The following GPC5 variants were observed in gnomAD, a reference collection of about 807,000 sequenced individuals.
GPC5 encodes the protein glypican 5, also known as glypican-5.
A neutral mutation model predicts 53.9 loss-of-function variants in GPC5; 47 were observed. The observed-to-expected ratio is 0.87, with a 90% CI of 0.69 to 1.11. The LOEUF is 1.11. GPC5 is among the 50% of genes most tolerant of loss of function. The probability of loss-of-function intolerance (pLI) is 0.00; values close to 1 mark genes in which losing one functional copy is unlikely to be tolerated. For synonymous variants in GPC5, 286 were observed against 263.3 expected (o/e 1.09, Z -0.84); for missense variants, 748 against 713.1 (o/e 1.05, Z -0.56).
In GPC5 at chr13:91,441,716, A is replaced by G. The variant is rs1159730283; in HGVS notation, c.164-7045A>G. ...ATAGATGAAAGATTACTTGTGTCTCAGTCAAAACCCTTCTGCCATTATAAC... is the reference window on the plus strand; with the variant it reads ...ATAGATGAAAGATTACTTGTGTCTCGGTCAAAACCCTTCTGCCATTATAAC... On this transcript the variant is annotated intron_variant, in intron 1 of 7. Coordinates refer to ENST00000377067, the MANE Select transcript of GPC5 (RefSeq NM_004466.6). Among the ~76,000 whole-genome samples, 3 of 152,318 alleles carry G rather than the reference A, an allele frequency of 2.0e-5. No homozygotes were observed. In the East Asian group the frequency reaches 5.8e-4, roughly 29 times the overall value.
intron 5 of GPC5, among the ~76,000 whole-genome samples, chr13:91,865,376 A>T (rs1461110964): frequency 6.6e-6 from 1 of 152,090 alleles, no homozygotes; most frequent in Non-Finnish European, 1.5e-5. Context: ...TGAATTAAAA[A>T]TAATAATAAT....
chr13:92,050,378 T>A (rs1262936158), intron 6 of GPC5, among the ~76,000 whole-genome samples: 1 of 152,180 alleles, frequency 6.6e-6, no homozygotes, highest in African/African-American at 2.4e-5. Flanking sequence ...AGACCTTACC[T>A]ATCAAAGGGT....
At chr13:91,507,283 A>T (rs1179173175) in intron 2 of GPC5, among the ~76,000 whole-genome samples, 1 of 152,120 alleles carries the variant, frequency 6.6e-6, no homozygotes, top group Admixed American at 6.6e-5. Flanking sequence ...GGTCTCTTTT[A>T]TAAGAATCCC....
At chr13:92,402,500 T>C (rs1875602514) in intron 7 of GPC5, among the ~76,000 whole-genome samples, 1 of 152,192 alleles carries the variant, frequency 6.6e-6, no homozygotes, top group Admixed American at 6.5e-5. Flanking sequence ...CTTTATGATA[T>C]TGATCCCTTT....
chr13:92,568,494 T>C (rs1195732022), intron 7 of GPC5, among the ~76,000 whole-genome samples: 3 of 152,212 alleles, frequency 2.0e-5, no homozygotes, highest in African/African-American at 2.4e-5. Context: ...GTTTAAAATA[T>C]ATTTGTGCCA....
chr13:92,600,575 G>A (rs190890282), intron 7 of GPC5, among the ~76,000 whole-genome samples: 125 of 151,664 alleles, frequency 8.2e-4, no homozygotes, highest in African/African-American at 3.0e-3. Flanking sequence ...TCAGCTCACT[G>A]CAACCACCGT....
intron 7 of GPC5, among the ~76,000 whole-genome samples, chr13:92,636,544 G>A (rs192411855): frequency 6.6e-6 from 1 of 152,142 alleles, no homozygotes; most frequent in African/African-American, 2.4e-5. Context: ...AATTACTTTG[G>A]CTGAGAGTCA....
chr13:92,768,919 G>A (rs1461637404), intron 7 of GPC5, among the ~76,000 whole-genome samples: 2 of 152,008 alleles, frequency 1.3e-5, no homozygotes, highest in African/African-American at 4.8e-5. Context: ...TCGAGGATAT[G>A]TGAATCCATT....
chr13:92,541,781 T>C (rs996273441), intron 7 of GPC5, among the ~76,000 whole-genome samples: 3 of 151,938 alleles, frequency 2.0e-5, no homozygotes, highest in African/African-American at 7.2e-5. Flanking sequence ...CTAGTCCATA[T>C]GGAATTCATT....
At chr13:91,524,162 C>A (rs907481574) in intron 2 of GPC5, among the ~76,000 whole-genome samples, 20 of 151,884 alleles carry the variant, frequency 1.3e-4, no homozygotes, top group Admixed American at 1.3e-3. Flanking sequence ...GTTGTCTAAC[C>A]ACCAACATTT....
intron 1 of GPC5, among the ~76,000 whole-genome samples, chr13:91,445,031 A>G (rs1197858508): frequency 6.6e-6 from 1 of 152,214 alleles, no homozygotes; most frequent in Non-Finnish European, 1.5e-5. Flanking sequence ...TGCTGTGGCT[A>G]TAACTTTTCA....
intron 7 of GPC5, among the ~76,000 whole-genome samples, chr13:92,551,207 T>G (rs2139016268): frequency 6.9e-6 from 1 of 145,806 alleles, no homozygotes; most frequent in South Asian, 2.1e-4. Context: ...CAGGCCAATG[T>G]GTGATAGTTT....
chr13:91,847,945 A>C (rs933993780), intron 5 of GPC5, among the ~76,000 whole-genome samples: 7 of 152,212 alleles, frequency 4.6e-5, no homozygotes, highest in Non-Finnish European at 1.0e-4. Context: ...ATCACTTTGG[A>C]AAAGATCATT....
intron 7 of GPC5, among the ~76,000 whole-genome samples, chr13:92,325,883 A>G (rs2043247654): frequency 6.6e-6 from 1 of 152,070 alleles, no homozygotes; most frequent in Non-Finnish European, 1.5e-5. Flanking sequence ...GGGCCTCACT[A>G]TACTTTTGGG....
chr13:91,683,824 A>G (rs1455775729), intron 2 of GPC5, among the ~76,000 whole-genome samples: 1 of 152,126 alleles, frequency 6.6e-6, no homozygotes, highest in South Asian at 2.1e-4. Context: ...CCTTCCTCAT[A>G]CAAGCAAAAT....
rs1175922423 is a variant in GPC5, at chr13:91,571,971, GTGTATATA to G, written c.326-121204_326-121197del. Among the ~76,000 whole-genome samples the G allele has an allele frequency of 2.3e-3, 329 of 141,652 alleles. 43 individuals carry two copies. The highest frequency in any genetic ancestry group is 8.1e-3 in the African/African-American group (308 of 38,224). The allele number at this position is 141,652 out of a possible 152,430, so 92.9% of individuals were successfully genotyped here. The stretch of plus-strand genomic sequence containing the variant: ...CATATACACACATATATGTATATAT[GTGTATATA>G]TGTATATATGTGTATATGTGTATAT... On this transcript the variant is annotated intron_variant, in intron 2 of 7. Transcript: ENST00000377067.
chr13:91,756,414 TA>T lies in GPC5; in HGVS notation c.1279del (p.Ser427ValfsTer28). On this transcript the variant is annotated frameshift_variant, in exon 5 of 8. Transcript: ENST00000377067. LOFTEE classifies it high-confidence loss of function. Reference sequence around the variant, plus strand: ...CCCTGCTGGAATGGAGAAGATATAGTAAAAAGGTATTTTATGTGGTCTGTGA... The same window carrying T: ...CCCTGCTGGAATGGAGAAGATATAGTAAAAGGTATTTTATGTGGTCTGTGA... The part of the protein sequence containing the change: ...GLPCWNGEDI[V>X]KSYTQRVVGN... The T allele has an allele frequency of 1.3e-6, 2 of 1,580,352 alleles. No individual in the cohort carries two copies. Among genetic ancestry groups the T allele is most frequent in the South Asian group, 1.1e-5 (1 of 87,322 alleles).
intron 7 of GPC5, among the ~76,000 whole-genome samples, chr13:92,412,924 C>T (rs1451749604): frequency 6.6e-6 from 1 of 152,086 alleles, no homozygotes; most frequent in Admixed American, 6.5e-5. Context: ...ATAAAGATAG[C>T]CTGTCAAATC....
intron 2 of GPC5, among the ~76,000 whole-genome samples, chr13:91,625,901 G>A (rs1287712231): frequency 3.3e-5 from 5 of 152,024 alleles, no homozygotes; most frequent in African/African-American, 9.7e-5. Flanking sequence ...ACCTTCAAAT[G>A]TCAATTTTAC....
Sources: gnomAD v4.1 joint callset for allele counts (sites outside exome capture counted in the v4.1 genomes callset) on GRCh38, gnomAD v4.1.1 for gene constraint, MANE v1.5 for transcripts, NCBI Gene and HGNC (gene_info 2026-07-23, HGNC 2026-07-21) for gene names.